DYNC1H1: variants seen among roughly 807,000 people sequenced by gnomAD.
The protein encoded by DYNC1H1 is cytoplasmic dynein 1 heavy chain 1.
In DYNC1H1, 51 loss-of-function variants were observed where a neutral mutation model predicts 527.1. The ratio of observed to expected loss-of-function variants is 0.10; its 90% CI spans 0.08 to 0.12. The LOEUF (loss-of-function observed/expected upper bound fraction) is 0.12. DYNC1H1 is among the 10% of genes least tolerant of loss of function. DYNC1H1 has a pLI of 1.00. For synonymous variants in DYNC1H1, 2,189 were observed against 2,278.8 expected (o/e 0.96, Z 1.12); for missense variants, 2,771 against 5,971.8 (o/e 0.46, Z 17.66).
rs984329185 is a variant in DYNC1H1 at position 102,036,067 on chromosome 14, G to T, written c.10755-422G>T. The T allele has an allele frequency of 8.2e-6, 2 of 243,554 alleles. No homozygotes were observed. Among genetic ancestry groups the T allele is most frequent in the Non-Finnish European group, 1.6e-5 (2 of 121,718 alleles). 15.1% of individuals were successfully genotyped at this position (243,554 alleles called of 1,614,324 possible). On this transcript the variant is annotated intron_variant, in intron 56 of 77. Coordinates refer to ENST00000360184, the MANE Select transcript of DYNC1H1 (RefSeq NM_001376.5). The surrounding 1 kb of genome is among the most constrained non-coding windows in gnomAD (Gnocchi z 5.6). ...TGTTATGAGGATTACGTGACGTAGT[G>T]TCTGTAATTTGACACGGTCCTTGGC...
At position 102,034,481 on chromosome 14, in the gene DYNC1H1, T is replaced by C. The variant is rs754330783; in HGVS notation, c.10754+29T>C. ...TGAGCTCGGGTGCCAAGGAGAGGCATGGGAGGAATGTGGGTGGTGATCTTG... is the reference window on the plus strand; with the variant it reads ...TGAGCTCGGGTGCCAAGGAGAGGCACGGGAGGAATGTGGGTGGTGATCTTG... On this transcript the variant is annotated intron_variant, in intron 56 of 77. Coordinates refer to ENST00000360184, the MANE Select transcript of DYNC1H1 (RefSeq NM_001376.5). 3 of 1,612,078 alleles carry C rather than the reference T, an allele frequency of 1.9e-6. No individual in the cohort carries two copies. The South Asian group carries it at 3.3e-5, about 18-fold the overall frequency.
Position 102,027,023 on chromosome 14 carries a change from C to A in DYNC1H1, c.8772-151C>A, listed in dbSNP as rs2048458771. ...TGTCTTACTGGTCTTTGCATTCCTCCTGGACTTCACAAATAACAGTTGCTC... is the reference window on the plus strand; with the variant it reads ...TGTCTTACTGGTCTTTGCATTCCTCATGGACTTCACAAATAACAGTTGCTC... On this transcript the variant is annotated intron_variant, in intron 44 of 77. Coordinates refer to ENST00000360184, the MANE Select transcript of DYNC1H1 (RefSeq NM_001376.5). This position sits in a 1 kb window ranked among gnomAD's most constrained non-coding sequence, Gnocchi z 7.7. 3 of 986,690 alleles carry A rather than the reference C, an allele frequency of 3.0e-6. No homozygotes were observed. Among genetic ancestry groups the A allele is most frequent in the African/African-American group, 3.2e-5 (2 of 62,896 alleles). 61.1% of individuals were successfully genotyped at this position (986,690 alleles called of 1,614,324 possible).
chr14:101,977,300 AT>A (rs976070387), intron 2 of DYNC1H1, among the ~76,000 whole-genome samples: 7 of 152,320 alleles, frequency 4.6e-5, no homozygotes, highest in African/African-American at 1.4e-4. Context: ...TGGATTCCGC[AT>A]TTTTTTAAGC....
At chr14:102,004,051 C>G (rs531471728) in intron 23 of DYNC1H1, among the ~76,000 whole-genome samples, 1 of 151,752 alleles carries the variant, frequency 6.6e-6, no homozygotes, top group Non-Finnish European at 1.5e-5. Flanking sequence ...ACCATCCTGG[C>G]TAACATGGTG....
At chr14:102,032,848 G>A (rs929600928) in intron 52 of DYNC1H1, 12 of 599,990 alleles carry the variant, frequency 2.0e-5, no homozygotes, top group Non-Finnish European at 3.5e-5. Context: ...GAAAAACCCT[G>A]TCTCATTAAA....
chr14:102,019,843 CTG>C (rs777181434), intron 41 of DYNC1H1, 48 bp from the exon 42 acceptor site: 3 of 1,611,290 alleles, frequency 1.9e-6, no homozygotes, highest in Non-Finnish European at 2.5e-6. Context: ...GACCACTTCT[CTG>C]TGTCTTAAGA....
intron 5 of DYNC1H1, among the ~76,000 whole-genome samples, chr14:101,982,365 G>A (rs1396189581): frequency 7.9e-5 from 12 of 152,050 alleles, no homozygotes; most frequent in African/African-American, 2.2e-4. Flanking sequence ...AGGCCTAGGC[G>A]GGCAGATCAC....
rs2048195605 is a variant in DYNC1H1, at chr14:102,006,274, G to T, written c.5716+104G>T. ...TTCTTTTTGAGATGGAGTGTCTGTC[G>T]CCCAGGCTGGAGCACAGTGGTGCGA... On this transcript the variant is annotated intron_variant, in intron 27 of 77. Coordinates refer to ENST00000360184, the MANE Select transcript of DYNC1H1 (RefSeq NM_001376.5). The T allele has an allele frequency of 2.0e-6, 3 of 1,525,266 alleles. No homozygotes were observed. In the South Asian group the frequency reaches 3.6e-5, roughly 18 times the overall value. The allele number at this position is 1,525,266 out of a possible 1,614,324, so 94.5% of individuals were successfully genotyped here.
chr14:102,047,135 CTTGCTGGGTCAG>C (rs1381276099), intron 72 of DYNC1H1, among the ~76,000 whole-genome samples: 1 of 152,146 alleles, frequency 6.6e-6, no homozygotes, highest in Non-Finnish European at 1.5e-5. Flanking sequence ...CTGTGGCTGT[CTTGCTGGGTCAG>C]TTTTAACAGT....
intron 16 of DYNC1H1, among the ~76,000 whole-genome samples, chr14:101,998,641 G>T (rs1221060936): frequency 1.3e-5 from 2 of 152,106 alleles, no homozygotes; most frequent in East Asian, 3.9e-4. Flanking sequence ...CTGGTTAATT[G>T]TCCCATCCTG....
rs2047841039 is a variant in DYNC1H1 at position 101,979,686 on chromosome 14, C to T, written c.519-33C>T. On this transcript the variant is annotated intron_variant, in intron 3 of 77. Transcript: ENST00000360184. The surrounding 1 kb of genome is among the most constrained non-coding windows in gnomAD (Gnocchi z 4.6). ...GGGATCTCTTTGGAGACCAATAGCA[C>T]ACTAAATGTTGAGGTATGAAATCTG... 6.2e-7 allele frequency: 1 copy of T among 1,613,322 alleles called. No individual in the cohort carries two copies. Among genetic ancestry groups the T allele is most frequent in the Non-Finnish European group, 8.5e-7 (1 of 1,180,014 alleles).
intron 9 of DYNC1H1, 134 bp downstream of exon 9, chr14:101,987,766 A>C: frequency 2.8e-6 from 3 of 1,065,384 alleles, no homozygotes; most frequent in Non-Finnish European, 4.2e-6. Flanking sequence ...CCAAAATCTC[A>C]TTTAACTAGT....
intron 43 of DYNC1H1, among the ~76,000 whole-genome samples, chr14:102,025,589 G>A (rs941169238): frequency 2.1e-4 from 31 of 147,100 alleles, no homozygotes; most frequent in African/African-American, 3.0e-4. Context: ...AAAAAAAGAT[G>A]TATCTTTGAA....
chr14:101,975,256 A>G (rs2047787455), intron 1 of DYNC1H1, among the ~76,000 whole-genome samples: 1 of 152,230 alleles, frequency 6.6e-6, no homozygotes, highest in African/African-American at 2.4e-5. Context: ...ATAGCTGTAA[A>G]GTGCTTAGTA....
chr14:102,029,440 T>C lies in DYNC1H1; in HGVS notation c.9469-99T>C. 2.0e-6 allele frequency: 3 copies of C among 1,536,154 alleles called. No homozygotes were observed. The highest frequency in any genetic ancestry group is 2.7e-6 in the Non-Finnish European group (3 of 1,121,362). On this transcript the variant is annotated intron_variant, in intron 48 of 77. Coordinates refer to ENST00000360184, the MANE Select transcript of DYNC1H1 (RefSeq NM_001376.5). This position sits in a 1 kb window ranked among gnomAD's most constrained non-coding sequence, Gnocchi z 5.3. ...TTCTGGCCCCGAGGGCCAGGCTCCT[T>C]CTATCATGTCACACCCATCTGCCAA...
At chr14:101,971,243 T>C (rs1184928931) in intron 1 of DYNC1H1, among the ~76,000 whole-genome samples, 1 of 151,616 alleles carries the variant, frequency 6.6e-6, no homozygotes, top group Non-Finnish European at 1.5e-5. Flanking sequence ...TCTGCTAATT[T>C]TTGTATTTTT....
Position 102,056,317 on chromosome 14 carries a change from C to G in DYNC1H1, c.*5754C>G, listed in dbSNP as rs1202714172. On this transcript the variant is annotated 3_prime_UTR_variant, in exon 78 of 78. Coordinates refer to ENST00000360184, the MANE Select transcript of DYNC1H1 (RefSeq NM_001376.5). ...CCCAGACTGCTCAATCAATCACGAC[C>G]CTTTCACGTAAAATCTTTAGTGTTG... The G allele has an allele frequency of 6.6e-6, 1 of 152,196 alleles. No individual in the cohort carries two copies. The highest frequency in any genetic ancestry group is 2.4e-5 in the African/African-American group (1 of 41,450). The allele number at this position is 152,196 out of a possible 1,614,324, so 9.4% of individuals were successfully genotyped here. A position where few individuals can be genotyped will look rare whatever the true frequency, so the allele number is the denominator to read the frequency against.
rs375319205 is a variant in DYNC1H1 at position 102,027,837 on chromosome 14, C to T, written c.9263+4C>T. 1.2e-5 allele frequency: 20 copies of T among 1,614,212 alleles called. No homozygotes were observed. The highest frequency in any genetic ancestry group is 9.3e-5 in the African/African-American group (7 of 75,056). ...CATCACCAGCACTTTTCAACAGGTA[C>T]GTGGGCCTTTACTTGGCTCTGGGTC... On this transcript the variant is annotated splice_donor_region_variant and intron_variant, in intron 47 of 77. Transcript: ENST00000360184. The surrounding 1 kb of genome is among the most constrained non-coding windows in gnomAD (Gnocchi z 7.7).
In DYNC1H1 at chr14:102,043,858, G is replaced by A; in HGVS notation, c.12514-17G>A. The A allele has an allele frequency of 6.2e-7, 1 of 1,614,166 alleles. No homozygotes were observed. Among genetic ancestry groups the A allele is most frequent in the Non-Finnish European group, 8.5e-7 (1 of 1,180,046 alleles). ...CTGTTTTCTAATGACTCTGTGCTTG[G>A]TCACTTTCCTCACCAGTCTCCCAAC... On this transcript the variant is annotated splice_polypyrimidine_tract_variant and intron_variant, in intron 69 of 77. Transcript: ENST00000360184.
Sources: allele counts gnomAD v4.1 joint callset (sites outside exome capture counted in the v4.1 genomes callset), GRCh38; gene constraint gnomAD v4.1.1; non-coding constraint Gnocchi (gnomAD v3.1); transcripts MANE v1.5; gene names NCBI Gene and HGNC (gene_info 2026-07-23, HGNC 2026-07-21).